DENND1A: variants seen among roughly 807,000 people sequenced by gnomAD.
DENND1A encodes DENN domain containing 1A.
Under a neutral mutation model 113.7 loss-of-function variants are expected in DENND1A, and 51 were observed. The ratio of observed to expected loss-of-function variants is 0.45; its 90% CI spans 0.36 to 0.57. The LOEUF is 0.57. Among genes scored for constraint, DENND1A ranks in the 20% least tolerant of loss-of-function variants. The probability of loss-of-function intolerance (pLI) is 0.00; values close to 1 mark genes in which losing one functional copy is unlikely to be tolerated. For synonymous variants in DENND1A, 565 were observed against 570.8 expected, an observed-to-expected ratio of 0.99 and a Z score of 0.14; for missense variants, 1,258 against 1,395.9, an observed-to-expected ratio of 0.90 and a Z score of 1.57.
At chr9:123,577,462 G>C (rs1310033174) in intron 12 of DENND1A, among the ~76,000 whole-genome samples, 1 of 152,014 alleles carries the variant, frequency 6.6e-6, no homozygotes, top group African/African-American at 2.4e-5. Context: ...TTCTGAGTCT[G>C]TTTCTATTGA....
intron 13 of DENND1A, among the ~76,000 whole-genome samples, chr9:123,480,343 G>A (rs976041858): frequency 6.6e-6 from 1 of 152,108 alleles, no homozygotes; most frequent in African/African-American, 2.4e-5. Context: ...AGGCTTCAAG[G>A]CTCTTCTTAG....
intron 13 of DENND1A, 42 bp downstream of exon 13, chr9:123,557,528 C>T (rs749912498): frequency 1.1e-5 from 17 of 1,608,808 alleles, no homozygotes; most frequent in Non-Finnish European, 3.4e-6. Flanking sequence ...GCTTCTCAGC[C>T]CTGACCAAAC....
chr9:123,800,141 G>A (rs993329757), intron 2 of DENND1A, among the ~76,000 whole-genome samples: 7 of 151,982 alleles, frequency 4.6e-5, no homozygotes, highest in South Asian at 2.1e-4. Context: ...CAGTTTATTC[G>A]CCTCCTGGCA....
chr9:123,846,321 A>G (rs888908262), intron 2 of DENND1A, among the ~76,000 whole-genome samples: 2 of 152,244 alleles, frequency 1.3e-5, no homozygotes, highest in African/African-American at 2.4e-5. Flanking sequence ...TTACCATATG[A>G]TCCAGCAATG....
intron 19 of DENND1A, among the ~76,000 whole-genome samples, chr9:123,434,241 G>C (rs575832351): frequency 6.6e-6 from 1 of 152,276 alleles, no homozygotes; most frequent in South Asian, 2.1e-4. Context: ...TGGCCAGGCT[G>C]GTCTTGAACT....
At chr9:123,438,500 C>G (rs7868404) in intron 19 of DENND1A, among the ~76,000 whole-genome samples, 1 of 152,184 alleles carries the variant, frequency 6.6e-6, no homozygotes, top group Non-Finnish European at 1.5e-5. Context: ...AGGCATCTCG[C>G]GGCTGTGGGT....
At chr9:123,699,009 CAAT>C (rs2065703205) in intron 5 of DENND1A, among the ~76,000 whole-genome samples, 1 of 151,772 alleles carries the variant, frequency 6.6e-6, no homozygotes, top group South Asian at 2.1e-4. Flanking sequence ...GAATAAAAGA[CAAT>C]TAATTATAAA....
chr9:123,730,625 TGTA>T (rs1685113457), intron 5 of DENND1A, among the ~76,000 whole-genome samples: 1 of 152,164 alleles, frequency 6.6e-6, no homozygotes, highest in Non-Finnish European at 1.5e-5. Flanking sequence ...GGAGAGGATG[TGTA>T]GAAGTAGGAA....
chr9:123,540,517 T>A (rs948331503), intron 13 of DENND1A, among the ~76,000 whole-genome samples: 2 of 152,140 alleles, frequency 1.3e-5, no homozygotes, highest in African/African-American at 4.8e-5. Flanking sequence ...TAAGATGACA[T>A]AAGCCACTCC....
chr9:123,578,628 C>T (rs2058736568), intron 12 of DENND1A, among the ~76,000 whole-genome samples: 1 of 152,216 alleles, frequency 6.6e-6, no homozygotes, highest in Non-Finnish European at 1.5e-5. Flanking sequence ...TCCATATGTG[C>T]CTTCCATCCT....
chr9:123,672,882 A>T (rs1404708534), intron 6 of DENND1A, among the ~76,000 whole-genome samples: 2 of 152,252 alleles, frequency 1.3e-5, no homozygotes, highest in South Asian at 4.1e-4. Flanking sequence ...TCTGGAAATT[A>T]ACACTGATGC....
chr9:123,382,158 G>A lies in DENND1A; in HGVS notation c.2487C>T (p.Leu829=). The change falls in exon 24 of 24, where the codon CTC becomes CTT. Residue 829 remains leucine (L), a synonymous_variant. Transcript: ENST00000394215. ...TGCCTGCAGCCCCGGGGCCAGGGCT[G>A]AGCGGCTGGAGCAGTTCAGTGGGGC... ...PQGPTELLQP[L]SPGPGAAGTS... 6.2e-7 allele frequency: 1 copy of A among 1,606,062 alleles called. No individual in the cohort carries two copies. Among genetic ancestry groups the A allele is most frequent in the East Asian group, 2.2e-5 (1 of 44,714 alleles).
intron 5 of DENND1A, among the ~76,000 whole-genome samples, chr9:123,730,733 T>C (rs2068100004): frequency 6.6e-6 from 1 of 152,192 alleles, no homozygotes; most frequent in African/African-American, 2.4e-5. Context: ...AAATACCATT[T>C]GACCCAGCAA....
At chr9:123,498,283 C>CT (rs2052130106) in intron 13 of DENND1A, among the ~76,000 whole-genome samples, 1 of 152,210 alleles carries the variant, frequency 6.6e-6, no homozygotes, top group African/African-American at 2.4e-5. Context: ...AAGACCATCC[C>CT]TGTGGGGAAG....
At position 123,457,890 on chromosome 9, in the gene DENND1A, G is replaced by A. The variant is rs1245312051; in HGVS notation, c.1001C>T (p.Pro334Leu). 6 of 1,609,376 alleles carry A rather than the reference G, an allele frequency of 3.7e-6. No individual in the cohort carries two copies. The highest frequency in any genetic ancestry group is 3.4e-5 in the Admixed American group (2 of 59,626). ...RNALKIEPEEPITFCEEAFVS... is the reference protein window; with the variant it reads ...RNALKIEPEELITFCEEAFVS... ...GAAGGCTTCCTCACAGAAAGTGATC[G>A]GCTCCTCCTGGGAAGTGCAGAGGGG... Residue 334 changes from proline to leucine, a missense_variant, in exon 14 of 24, where the codon CCG becomes CTG. Pro to Leu is a moderately conservative substitution (Grantham distance 98, BLOSUM62 -3). This residue lies in a region of DENND1A where 1,159 missense variants were observed against 1,231.7 expected (regional missense o/e 0.94). Transcript: ENST00000394215.
intron 19 of DENND1A, among the ~76,000 whole-genome samples, chr9:123,428,058 C>A (rs1016209755): frequency 2.6e-5 from 4 of 152,208 alleles, no homozygotes; most frequent in Admixed American, 2.0e-4. Flanking sequence ...AATCCCAACA[C>A]TTTGGGAGGC....
intron 12 of DENND1A, among the ~76,000 whole-genome samples, chr9:123,573,651 C>T (rs896180661): frequency 6.6e-6 from 1 of 152,098 alleles, no homozygotes; most frequent in African/African-American, 2.4e-5. Context: ...CTTTATCCTG[C>T]ACCCTTACTA....
chr9:123,763,699 GA>G (rs1044820279), intron 4 of DENND1A, among the ~76,000 whole-genome samples: 7 of 152,072 alleles, frequency 4.6e-5, no homozygotes, highest in African/African-American at 1.4e-4. Flanking sequence ...GATGGGTGGA[GA>G]AGAGACCAAA....
intron 21 of DENND1A, among the ~76,000 whole-genome samples, chr9:123,395,623 G>A (rs1194741049): frequency 1.3e-5 from 2 of 152,128 alleles, no homozygotes; most frequent in African/African-American, 2.4e-5. Context: ...CCAGGGGGTA[G>A]AGCCCAGACA....
Sources: allele counts gnomAD v4.1 joint callset (sites outside exome capture counted in the v4.1 genomes callset), GRCh38; gene constraint gnomAD v4.1.1; regional missense constraint gnomAD v4.1.1; transcripts MANE v1.5; gene names NCBI Gene and HGNC (gene_info 2026-07-23, HGNC 2026-07-21).